Variants in LRRTM4 observed in about 807,000 individuals in gnomAD.
LRRTM4 encodes the protein leucine rich repeat transmembrane neuronal 4.
A neutral mutation model predicts 47.6 loss-of-function variants in LRRTM4; 25 were observed. The ratio of observed to expected loss-of-function variants is 0.53; its 90% confidence interval spans 0.38 to 0.73. The LOEUF (loss-of-function observed/expected upper bound fraction) is 0.73, where lower values mean the gene tolerates loss of function less well. LRRTM4 is among the 30% of genes least tolerant of loss of function. The pLI is 0.00. For missense variants in LRRTM4, 638 were observed against 713.4 expected (o/e 0.89, Z 1.20); for synonymous variants, 311 against 269.5 (o/e 1.15, Z -1.51).
chr2:76,898,265 T>G (rs1160912484), intron 3 of LRRTM4, among the ~76,000 whole-genome samples: 4 of 151,570 alleles, frequency 2.6e-5, no homozygotes, highest in Admixed American at 2.0e-4. Flanking sequence ...TCTTAACAAT[T>G]AGCAATTTTA....
chr2:77,057,300 G>T (rs1302415193), intron 3 of LRRTM4, among the ~76,000 whole-genome samples: 1 of 152,056 alleles, frequency 6.6e-6, no homozygotes, highest in Non-Finnish European at 1.5e-5. Context: ...TAAAACATAT[G>T]CATATGTTAA....
intron 3 of LRRTM4, among the ~76,000 whole-genome samples, chr2:77,403,767 G>A (rs1674057767): frequency 6.6e-6 from 1 of 151,380 alleles, no homozygotes; most frequent in African/African-American, 2.4e-5. Flanking sequence ...TCTGACCCTA[G>A]CCCCGACTCT....
At chr2:77,241,344 G>T (rs534552653) in intron 3 of LRRTM4, among the ~76,000 whole-genome samples, 3 of 151,894 alleles carry the variant, frequency 2.0e-5, no homozygotes, top group African/African-American at 7.2e-5. Context: ...GAGAAAAGGC[G>T]CTGGAAATTT....
chr2:77,432,978 C>T (rs1675445388), intron 3 of LRRTM4, among the ~76,000 whole-genome samples: 1 of 152,196 alleles, frequency 6.6e-6, no homozygotes, highest in Non-Finnish European at 1.5e-5. Context: ...GAGATGTTTA[C>T]ATCTTCTGCC....
chr2:77,169,009 A>G (rs1672968865), intron 3 of LRRTM4, among the ~76,000 whole-genome samples: 1 of 152,192 alleles, frequency 6.6e-6, no homozygotes, highest in South Asian at 2.1e-4. Context: ...CCAGAAAAGC[A>G]TTTGATATAA....
chr2:77,247,732 C>T (rs181208853), intron 3 of LRRTM4, among the ~76,000 whole-genome samples: 8 of 152,044 alleles, frequency 5.3e-5, no homozygotes, highest in Admixed American at 2.0e-4. Context: ...ATTGTTCTTC[C>T]AATAATACGT....
chr2:77,488,610 A>G (rs572605417), intron 3 of LRRTM4, among the ~76,000 whole-genome samples: 18 of 152,200 alleles, frequency 1.2e-4, no homozygotes, highest in Non-Finnish European at 1.9e-4. Flanking sequence ...TGAAATTTTA[A>G]AGTGACATAT....
chr2:77,419,659 T>C (rs989772845), intron 3 of LRRTM4, among the ~76,000 whole-genome samples: 9 of 152,246 alleles, frequency 5.9e-5, no homozygotes, highest in Admixed American at 3.9e-4. Flanking sequence ...CATAGATACA[T>C]ACAGAGGGAT....
intron 3 of LRRTM4, among the ~76,000 whole-genome samples, chr2:76,946,628 T>C (rs1468892480): frequency 6.6e-6 from 1 of 151,836 alleles, no homozygotes; most frequent in Non-Finnish European, 1.5e-5. Context: ...TAATAATTTC[T>C]GCATTGCCAG....
chr2:76,782,979 T>TC (rs1674482238), intron 3 of LRRTM4, among the ~76,000 whole-genome samples: 1 of 152,210 alleles, frequency 6.6e-6, no homozygotes, highest in South Asian at 2.1e-4. Context: ...TTCTTAAAAA[T>TC]TCCTTTTAAT....
intron 3 of LRRTM4, among the ~76,000 whole-genome samples, chr2:76,913,260 T>G (rs2103786164): frequency 6.6e-6 from 1 of 152,246 alleles, no homozygotes; most frequent in African/African-American, 2.4e-5. Context: ...AATTTAGCAA[T>G]ATATTTTTCC....
intron 3 of LRRTM4, among the ~76,000 whole-genome samples, chr2:77,103,447 G>A (rs1377410005): frequency 1.3e-5 from 2 of 151,904 alleles, no homozygotes; most frequent in African/African-American, 2.4e-5. Context: ...GTGAAAAACA[G>A]CCATCCATCT....
intron 3 of LRRTM4, among the ~76,000 whole-genome samples, chr2:76,867,117 T>A (rs752539527): frequency 3.4e-4 from 51 of 152,150 alleles, no homozygotes; most frequent in African/African-American, 1.1e-3. Flanking sequence ...ACCTAATGCA[T>A]GTGGGGGTTA....
At chr2:76,909,957 A>G (rs948908825) in intron 3 of LRRTM4, among the ~76,000 whole-genome samples, 2 of 152,184 alleles carry the variant, frequency 1.3e-5, no homozygotes, top group African/African-American at 4.8e-5. Context: ...AGGGATCTAG[A>G]ACTAGAAATA....
At chr2:77,371,151 G>C (rs1267167479) in intron 3 of LRRTM4, among the ~76,000 whole-genome samples, 1 of 151,686 alleles carries the variant, frequency 6.6e-6, no homozygotes, top group East Asian at 1.9e-4. Context: ...TAAGATGTGA[G>C]ACAGACAGGT....
At chr2:77,045,246 A>G (rs1054206166) in intron 3 of LRRTM4, among the ~76,000 whole-genome samples, 4 of 151,920 alleles carry the variant, frequency 2.6e-5, no homozygotes, top group African/African-American at 9.7e-5. Context: ...AAATCTCACA[A>G]AAAAAGTAGA....
At position 77,517,360 on chromosome 2, in the gene LRRTM4, A is replaced by G; in HGVS notation, c.1551+958T>C. The G allele has an allele frequency of 3.1e-6, 3 of 982,960 alleles. No individual in the cohort carries two copies. The South Asian group carries it at 1.4e-4, about 46-fold the overall frequency. The allele number at this position is 982,960 out of a possible 1,614,324, so 60.9% of individuals were successfully genotyped here. A position where few individuals can be genotyped will look rare whatever the true frequency, so the allele number is the denominator to read the frequency against. On this transcript the variant is annotated intron_variant, in intron 3 of 3. Coordinates refer to ENST00000409884, the MANE Select transcript of LRRTM4 (RefSeq NM_001134745.3). ...AACTCAAACCTCTCTCCTTTTATTT[A>G]TAAATATTTGTATCACTTATTTTTT...
At chr2:77,490,624 T>TAAAA (rs70956637) in intron 3 of LRRTM4, among the ~76,000 whole-genome samples, 31,344 of 150,390 alleles carry the variant, frequency 0.21, 3,516 homozygotes, top group Middle Eastern at 0.3. Flanking sequence ...TCAAAAATAA[T>TAAAA]AAAAAAAAAC....
intron 3 of LRRTM4, among the ~76,000 whole-genome samples, chr2:77,047,147 T>A (rs147885912): frequency 1.3e-5 from 2 of 152,076 alleles, no homozygotes; most frequent in South Asian, 2.1e-4. Flanking sequence ...TAGCAAAGCA[T>A]TTGTTTTTGC....
Sources: allele counts gnomAD v4.1 joint callset (sites outside exome capture counted in the v4.1 genomes callset), GRCh38; gene constraint gnomAD v4.1.1; transcripts MANE v1.5; gene names NCBI Gene and HGNC (gene_info 2026-07-23, HGNC 2026-07-21).